The following MYSM1 variants were observed in gnomAD, a reference collection of about 807,000 sequenced individuals.
MYSM1 encodes Myb like, SWIRM and MPN domains 1, also known as deubiquitinase MYSM1.
In MYSM1, 51 loss-of-function variants were observed where a neutral mutation model predicts 116.0. The observed-to-expected ratio is 0.44, with a 90% confidence interval of 0.35 to 0.56. The LOEUF (loss-of-function observed/expected upper bound fraction) is 0.56. Ranked by LOEUF, MYSM1 falls within the 20% of genes least tolerant of loss-of-function variation. The probability of loss-of-function intolerance (pLI) is 0.00; values close to 1 mark genes in which losing one functional copy is unlikely to be tolerated. For synonymous variants in MYSM1, 313 were observed against 315.2 expected (o/e 0.99, Z 0.07); for missense variants, 900 against 974.9 (o/e 0.92, Z 1.02).
At chr1:58,681,036 G>A (rs1400786644) in intron 8 of MYSM1, among the ~76,000 whole-genome samples, 7 of 152,020 alleles carry the variant, frequency 4.6e-5, no homozygotes, top group Non-Finnish European at 8.8e-5. Context: ...CACCACGTGG[G>A]CCAGGCTGGT....
chr1:58,686,983 A>AT (rs1447891659), intron 6 of MYSM1, among the ~76,000 whole-genome samples: 1 of 151,276 alleles, frequency 6.6e-6, no homozygotes, highest in Non-Finnish European at 1.5e-5. Flanking sequence ...AAAAAAGAAG[A>AT]TAAAAAAAGG....
intron 17 of MYSM1, among the ~76,000 whole-genome samples, chr1:58,664,432 AAAAGACAAATAAGACACAGTC>A (rs1348528433): frequency 5.3e-4 from 81 of 152,224 alleles, no homozygotes; most frequent in Admixed American, 2.2e-3. Context: ...TACTTGAGAA[AAAAGACAAATAAGACACAGTC>A]CCTGCTCTTT....
intron 7 of MYSM1, among the ~76,000 whole-genome samples, chr1:58,683,897 A>C (rs1423882459): frequency 6.6e-6 from 1 of 152,196 alleles, no homozygotes; most frequent in Non-Finnish European, 1.5e-5. Flanking sequence ...ATAATATACT[A>C]GTCTCTGTTA....
chr1:58,691,394 T>C (rs1644904594), intron 3 of MYSM1, among the ~76,000 whole-genome samples: 1 of 152,252 alleles, frequency 6.6e-6, no homozygotes, highest in Non-Finnish European at 1.5e-5. Flanking sequence ...TCAGGTACTA[T>C]GCTAGGTATA....
intron 16 of MYSM1, 90 bp from the exon 17 acceptor site, chr1:58,665,721 G>T: frequency 1.1e-6 from 1 of 872,724 alleles, no homozygotes. Context: ...CATCTAATGG[G>T]GAAAAGCAGG....
intron 8 of MYSM1, among the ~76,000 whole-genome samples, chr1:58,679,130 A>T (rs1224258329): frequency 6.6e-6 from 1 of 152,160 alleles, no homozygotes; most frequent in Non-Finnish European, 1.5e-5. Flanking sequence ...TTATCTATAA[A>T]CAAATCTGGC....
intron 1 of MYSM1, among the ~76,000 whole-genome samples, chr1:58,698,096 A>ATTTTTTTTTTTT (rs1290483031): frequency 3.7e-5 from 1 of 27,038 alleles, no homozygotes; most frequent in Non-Finnish European, 8.3e-5. Flanking sequence ...ATATATATAT[A>ATTTTTTTTTTTT]TATATATTTT....
chr1:58,659,825 A>T lies in MYSM1; in HGVS notation c.*172T>A. The T allele has an allele frequency of 1.9e-6, 1 of 519,838 alleles. No individual in the cohort carries two copies. The allele number at this position is 519,838 out of a possible 1,614,324, so 32.2% of individuals were successfully genotyped here. A position where few individuals can be genotyped will look rare whatever the true frequency, so the allele number is the denominator to read the frequency against. On this transcript the variant is annotated 3_prime_UTR_variant, in exon 20 of 20. Coordinates refer to ENST00000472487, the MANE Select transcript of MYSM1 (RefSeq NM_001085487.3). ...AACACTCTGATAATCACTATATGAA[A>T]ACAAATTTGTATCTCTTCCTTTTCA...
At chr1:58,673,541 C>A (rs762716653) in intron 11 of MYSM1, 32 bp downstream of exon 11, 1 of 1,576,178 alleles carries the variant, frequency 6.3e-7, no homozygotes, top group Non-Finnish European at 8.7e-7. Context: ...AACCAGTTTT[C>A]ATGGATGAGC....
chr1:58,692,034 A>G (rs1644912695), intron 3 of MYSM1, among the ~76,000 whole-genome samples: 1 of 152,152 alleles, frequency 6.6e-6, no homozygotes, highest in African/African-American at 2.4e-5. Context: ...TTAAATGAGG[A>G]TATCGGAAAA....
chr1:58,699,697 G>A lies in MYSM1; in HGVS notation c.68+288C>T, dbSNP rs371095949. 5 of 985,296 alleles carry A rather than the reference G, an allele frequency of 5.1e-6. No individual in the cohort carries two copies. The East Asian group carries it at 5.7e-4, about 112-fold the overall frequency. 61.0% of individuals were successfully genotyped at this position (985,296 alleles called of 1,614,324 possible). ...CCTGAAAAGGAGGGAACGGAAGAAG[G>A]AATCTAAATGTAAATCAAACGCAAT... On this transcript the variant is annotated intron_variant, in intron 1 of 19. Transcript: ENST00000472487.
At chr1:58,660,680 T>C (rs999858638) in intron 19 of MYSM1, among the ~76,000 whole-genome samples, 1 of 152,130 alleles carries the variant, frequency 6.6e-6, no homozygotes, top group African/African-American at 2.4e-5. Flanking sequence ...CCAATTGCTA[T>C]TTAAAAAGAC....
At chr1:58,683,249 G>C (rs926234303) in intron 7 of MYSM1, among the ~76,000 whole-genome samples, 4 of 152,104 alleles carry the variant, frequency 2.6e-5, no homozygotes, top group Non-Finnish European at 5.9e-5. Flanking sequence ...TCATACTAAG[G>C]TATCGTACAA....
intron 8 of MYSM1, among the ~76,000 whole-genome samples, chr1:58,679,269 C>T (rs992891902): frequency 1.3e-5 from 2 of 152,114 alleles, no homozygotes; most frequent in African/African-American, 2.4e-5. Flanking sequence ...TTTGCTTTCA[C>T]AATGTTCTGC....
intron 10 of MYSM1, among the ~76,000 whole-genome samples, chr1:58,674,154 C>T (rs1418403087): frequency 6.6e-6 from 1 of 151,912 alleles, no homozygotes; most frequent in Non-Finnish European, 1.5e-5. Context: ...CTCAGACTCC[C>T]GAGTAGGAAC....
At chr1:58,668,705 A>C in intron 13 of MYSM1, 23 bp from the exon 14 acceptor site, 1 of 1,584,978 alleles carries the variant, frequency 6.3e-7, no homozygotes, top group Non-Finnish European at 8.6e-7. Context: ...AAACAAAACA[A>C]AACGGGGGAG....
At chr1:58,673,550 G>C in intron 11 of MYSM1, 23 bp downstream of exon 11, 1 of 1,596,308 alleles carries the variant, frequency 6.3e-7, no homozygotes, top group Non-Finnish European at 8.6e-7. Flanking sequence ...TCATGGATGA[G>C]CCATTTGAAA....
At chr1:58,660,871 T>C (rs1001799710) in intron 19 of MYSM1, among the ~76,000 whole-genome samples, 1 of 152,080 alleles carries the variant, frequency 6.6e-6, no homozygotes, top group Non-Finnish European at 1.5e-5. Context: ...AATGGAAACA[T>C]GGCACTTTCA....
At chr1:58,699,911 G>A in intron 1 of MYSM1, 74 bp downstream of exon 1, 1 of 1,602,828 alleles carries the variant, frequency 6.2e-7, no homozygotes, top group Non-Finnish European at 8.5e-7. Flanking sequence ...TGCCGGACCT[G>A]CAGCTTTCCC....
Sources: allele counts gnomAD v4.1 joint callset (sites outside exome capture counted in the v4.1 genomes callset), GRCh38; gene constraint gnomAD v4.1.1; transcripts MANE v1.5; gene names NCBI Gene and HGNC (gene_info 2026-07-23, HGNC 2026-07-21).